The following CTSW variants were observed in gnomAD, a reference collection of about 807,000 sequenced individuals.
CTSW encodes lymphopain.
A neutral mutation model predicts 43.8 loss-of-function variants in CTSW; 42 were observed. That is an observed-to-expected ratio of 0.96 (90% confidence interval 0.75 to 1.24). The LOEUF (loss-of-function observed/expected upper bound fraction) is 1.24. Ranked by LOEUF, CTSW falls within the 50% of genes most tolerant of loss-of-function variation. The pLI is 0.00. For missense variants in CTSW, 475 were observed against 479.9 expected, an observed-to-expected ratio of 0.99 and a Z score of 0.09; for synonymous variants, 191 against 184.8, an observed-to-expected ratio of 1.03 and a Z score of -0.27.
chr11:65,881,471 G>A lies in CTSW; in HGVS notation c.237G>A (p.Glu79=), dbSNP rs1860105231. ...CCCAGGCTCAGAGGCTGCAGGAGGA[G>A]GACTTGGGCACAGCTGAGTTTGGGG... is the stretch of plus-strand genomic sequence containing the variant. ...NLAQAQRLQE[E]DLGTAEFGVT... Residue 79 remains glutamate, a synonymous_variant, in exon 3 of 10, where the codon GAG becomes GAA. Coordinates refer to ENST00000307886, the MANE Select transcript of CTSW (RefSeq NM_001335.4). 1 of 1,611,838 alleles carries A rather than the reference G, an allele frequency of 6.2e-7. No homozygotes were observed. Among genetic ancestry groups the A allele is most frequent in the Non-Finnish European group, 8.5e-7 (1 of 1,178,840 alleles).
chr11:65,883,566 C>G lies in CTSW; in HGVS notation c.1079C>G (p.Thr360Ser). 6.2e-7 allele frequency: 1 copy of G among 1,614,134 alleles called. No individual in the cohort carries two copies. Among genetic ancestry groups the G allele is most frequent in the South Asian group, 1.1e-5 (1 of 91,086 alleles). ...TGTGGCATCACCAAGTTCCCGCTCACTGCCCGTGTGCAGAAACCGGATATG... is the reference window on the plus strand; with the variant it reads ...TGTGGCATCACCAAGTTCCCGCTCAGTGCCCGTGTGCAGAAACCGGATATG... The part of the protein sequence containing the change: ...NTCGITKFPL[T>S]ARVQKPDMKP... Residue 360 changes from threonine (T) to serine (S), a missense_variant, in exon 10 of 10, where the codon ACT (threonine) becomes AGT (serine). Coordinates refer to ENST00000307886, the MANE Select transcript of CTSW (RefSeq NM_001335.4).
chr11:65,882,798 G>T lies in CTSW; in HGVS notation c.639G>T (p.Lys213Asn), dbSNP rs770425141. Residue 213 changes from lysine (K) to asparagine (N), a missense_variant, in exon 7 of 10, where the codon AAG (lysine) becomes AAT (asparagine). Lys to Asn is a moderately conservative substitution (Grantham distance 94, BLOSUM62 0). Coordinates refer to ENST00000307886, the MANE Select transcript of CTSW (RefSeq NM_001335.4). ...CTGCAGGCGGCCTGGCCAGTGAAAAGGACTACCCGTTCCAGGGCAAAGTCA... is the reference window on the plus strand; with the variant it reads ...CTGCAGGCGGCCTGGCCAGTGAAAATGACTACCCGTTCCAGGGCAAAGTCA... ...VLNNSGLASE[K>N]DYPFQGKVRA... is the part of the protein sequence containing the mutation. 5 of 1,614,064 alleles carry T rather than the reference G, an allele frequency of 3.1e-6. No homozygotes were observed. Among genetic ancestry groups the T allele is most frequent in the Non-Finnish European group, 4.2e-6 (5 of 1,180,054 alleles).
chr11:65,880,382 T>C, intron 2 of CTSW, 96 bp downstream of exon 2: 1 of 987,904 alleles, frequency 1.0e-6, no homozygotes, highest in Non-Finnish European at 1.5e-6. Context: ...AGTGCAATGG[T>C]GTCATCTTGG....
At position 65,882,221 on chromosome 11, in the gene CTSW, G is replaced by T. The variant is rs1486471306; in HGVS notation, c.333G>T (p.Gly111=). ...QLYGYRRAAG[G]VPSMGREIRS... is the part of the protein sequence containing the mutation. Reference sequence around the variant, plus strand: ...ATGGCTATCGGAGGGCAGCTGGAGGGGTCCCCAGCATGGGCAGAGAAATAA... The same window carrying T: ...ATGGCTATCGGAGGGCAGCTGGAGGTGTCCCCAGCATGGGCAGAGAAATAA... The change falls in exon 4 of 10, where the codon GGG becomes GGT. Residue 111 remains glycine (G), a synonymous_variant. Coordinates refer to ENST00000307886, the MANE Select transcript of CTSW (RefSeq NM_001335.4). 1 of 1,614,060 alleles carries T rather than the reference G, an allele frequency of 6.2e-7. No homozygotes were observed. Among genetic ancestry groups the T allele is most frequent in the African/African-American group, 1.3e-5 (1 of 74,912 alleles).
intron 1 of CTSW, 64 bp downstream of exon 1, chr11:65,880,005 C>T: frequency 2.1e-6 from 3 of 1,428,318 alleles, no homozygotes; most frequent in Non-Finnish European, 2.9e-6. Context: ...TCAGAAACAG[C>T]TGGCCTGTCA....
chr11:65,882,739 G>A, intron 6 of CTSW, 40 bp from the exon 7 acceptor site: 2 of 1,614,174 alleles, frequency 1.2e-6, no homozygotes, highest in South Asian at 1.1e-5. Context: ...GACAGGGTGG[G>A]CAGGAGCGGA....
Position 65,882,822 on chromosome 11 carries a change from C to G in CTSW, c.663C>G (p.Val221=), listed in dbSNP as rs1860130092. 1 of 1,614,062 alleles carries G rather than the reference C, an allele frequency of 6.2e-7. No homozygotes were observed. The highest frequency in any genetic ancestry group is 2.2e-5 in the East Asian group (1 of 44,888). The change falls in exon 7 of 10, where the codon GTC becomes GTG. Residue 221 remains valine (V), a synonymous_variant. Transcript: ENST00000307886. The stretch of plus-strand genomic sequence containing the variant: ...AGGACTACCCGTTCCAGGGCAAAGT[C>G]AGAGCCCACAGGTGCCACCCCAAGA... ...SEKDYPFQGK[V]RAHRCHPKKY...
intron 9 of CTSW, 21 bp from the exon 10 acceptor site, chr11:65,883,487 C>T: frequency 6.2e-7 from 1 of 1,612,276 alleles, no homozygotes; most frequent in Non-Finnish European, 8.5e-7. Flanking sequence ...CTTCCCGCCC[C>T]TATGTCCCCT....
In CTSW at chr11:65,879,936, G is replaced by A. The variant is rs761855001; in HGVS notation, c.82G>A (p.Ala28Thr). The A allele has an allele frequency of 6.2e-7, 1 of 1,612,332 alleles. No individual in the cohort carries two copies. Among genetic ancestry groups the A allele is most frequent in the Non-Finnish European group, 8.5e-7 (1 of 1,179,246 alleles). ...CCAAGGCATCAGAGGCCCCCTTAGG[G>A]CCCAGGTAAGTGCTCCCAAACCCTT... Reference protein sequence around the residue: ...LAQGIRGPLRAQDLGPQPLEL... With the variant: ...LAQGIRGPLRTQDLGPQPLEL... The change falls in exon 1 of 10, where the codon GCC (alanine) becomes ACC (threonine). Residue 28 changes from alanine (A) to threonine (T), a missense_variant. Coordinates refer to ENST00000307886, the MANE Select transcript of CTSW (RefSeq NM_001335.4).
In CTSW at chr11:65,882,671, A is replaced by AT. The variant is rs1565278589; in HGVS notation, c.602dup (p.Thr202AsnfsTer11). The AT allele has an allele frequency of 1.2e-6, 2 of 1,614,084 alleles. No homozygotes were observed. Among genetic ancestry groups the AT allele is most frequent in the Non-Finnish European group, 1.7e-6 (2 of 1,180,032 alleles). On this transcript the variant is annotated frameshift_variant, in exon 6 of 10. Coordinates refer to ENST00000307886, the MANE Select transcript of CTSW (RefSeq NM_001335.4). LOFTEE classifies it high-confidence loss of function. ...CGGTGGCTTCGTCTGGGACGCGTTCATAACTGTCCTCAACAACAGTGAGTG... is the reference window on the plus strand; with the variant it reads ...CGGTGGCTTCGTCTGGGACGCGTTCATTAACTGTCCTCAACAACAGTGAGTG...
At chr11:65,881,703 C>T (rs1234979566) in intron 3 of CTSW, among the ~76,000 whole-genome samples, 183 bp downstream of exon 3, 1 of 151,738 alleles carries the variant, frequency 6.6e-6, no homozygotes, top group Non-Finnish European at 1.5e-5. Flanking sequence ...TCTCTGCAGT[C>T]CTGTGTCCTA....
At chr11:65,880,799 T>C (rs1405809889) in intron 2 of CTSW, among the ~76,000 whole-genome samples, 3 of 152,160 alleles carry the variant, frequency 2.0e-5, no homozygotes, top group Admixed American at 6.5e-5. Context: ...GGTGGGGTCC[T>C]GCCCTAGTCC....
chr11:65,883,589 A>G lies in CTSW; in HGVS notation c.1102A>G (p.Met368Val). 6.2e-7 allele frequency: 1 copy of G among 1,614,030 alleles called. No homozygotes were observed. Among genetic ancestry groups the G allele is most frequent in the Non-Finnish European group, 8.5e-7 (1 of 1,179,940 alleles). Residue 368 changes from methionine (M) to valine (V), a missense_variant, in exon 10 of 10, where the codon ATG (methionine) becomes GTG (valine). Met to Val is a conservative substitution (Grantham distance 21). Transcript: ENST00000307886. ...PLTARVQKPD[M>V]KPRVSCPP Reference sequence around the variant, plus strand: ...CACTGCCCGTGTGCAGAAACCGGATATGAAGCCCCGAGTCTCCTGCCCTCC... The same window carrying G: ...CACTGCCCGTGTGCAGAAACCGGATGTGAAGCCCCGAGTCTCCTGCCCTCC...
In CTSW at chr11:65,883,362, C is replaced by T. The variant is rs967994490; in HGVS notation, c.958C>T (p.Pro320Ser). The T allele has an allele frequency of 7.4e-6, 12 of 1,614,116 alleles. No homozygotes were observed. The highest frequency in any genetic ancestry group is 1.0e-5 in the Non-Finnish European group (12 of 1,180,022). The part of the protein sequence containing the change: ...ETVSSQSQPQ[P>S]PHPTPYWILK... ...AGTCTCATCGCAGTCTCAGCCTCAGCCTCCACACCCCACCCCATACTGGAT... is the reference window on the plus strand; with the variant it reads ...AGTCTCATCGCAGTCTCAGCCTCAGTCTCCACACCCCACCCCATACTGGAT... The change falls in exon 9 of 10, where the codon CCT becomes TCT. Residue 320 changes from proline (P) to serine (S), a missense_variant. Pro to Ser is a moderately conservative substitution (Grantham distance 74). Transcript: ENST00000307886.
intron 7 of CTSW, 25 bp downstream of exon 7, chr11:65,882,929 C>G: frequency 6.2e-7 from 1 of 1,613,116 alleles, no homozygotes; most frequent in Non-Finnish European, 8.5e-7. Flanking sequence ...GGGACACGGG[C>G]GGATGGCAGG....
At position 65,880,013 on chromosome 11, in the gene CTSW, T is replaced by C. The variant is rs556802624; in HGVS notation, c.87+72T>C. On this transcript the variant is annotated intron_variant, in intron 1 of 9. Coordinates refer to ENST00000307886, the MANE Select transcript of CTSW (RefSeq NM_001335.4). ...CACCCCTTCAGAAACAGCTGGCCTGTCATTCTCATTTTTCAGAGGGAGTTG... is the reference window on the plus strand; with the variant it reads ...CACCCCTTCAGAAACAGCTGGCCTGCCATTCTCATTTTTCAGAGGGAGTTG... The C allele has an allele frequency of 4.6e-5, 64 of 1,392,086 alleles. No individual in the cohort carries two copies. In the East Asian group the frequency reaches 1.1e-3, roughly 24 times the overall value. 86.2% of individuals were successfully genotyped at this position (1,392,086 alleles called of 1,614,324 possible).
At chr11:65,880,349 T>G in intron 2 of CTSW, 63 bp downstream of exon 2, 1 of 1,343,202 alleles carries the variant, frequency 7.4e-7, no homozygotes. Context: ...GAGACGGAGT[T>G]TCACTCTTGT....
At chr11:65,882,960 C>T in intron 7 of CTSW, 56 bp downstream of exon 7, 1 of 1,611,814 alleles carries the variant, frequency 6.2e-7, no homozygotes, top group Non-Finnish European at 8.5e-7. Flanking sequence ...GGGGCAGAGG[C>T]AGACACGCTG....
rs143555562 is a variant in CTSW, at chr11:65,881,452, C to G, written c.218C>G (p.Ala73Gly). ...ATCTTTGCCCACAACCTGGCCCAGGCTCAGAGGCTGCAGGAGGAGGACTTG... is the reference window on the plus strand; with the variant it reads ...ATCTTTGCCCACAACCTGGCCCAGGGTCAGAGGCTGCAGGAGGAGGACTTG... ...LDIFAHNLAQ[A>G]QRLQEEDLGT... is the part of the protein sequence containing the mutation. Residue 73 changes from alanine (A) to glycine (G), a missense_variant, in exon 3 of 10, where the codon GCT (alanine) becomes GGT (glycine). Transcript: ENST00000307886. The G allele has an allele frequency of 3.7e-6, 6 of 1,611,216 alleles. No individual in the cohort carries two copies. Among genetic ancestry groups the G allele is most frequent in the Admixed American group, 1.7e-5 (1 of 59,678 alleles).
Sources: gnomAD v4.1 joint callset for allele counts (sites outside exome capture counted in the v4.1 genomes callset) on GRCh38, gnomAD v4.1.1 for gene constraint, MANE v1.5 for transcripts, NCBI Gene and HGNC (gene_info 2026-07-23, HGNC 2026-07-21) for gene names.